Variants in FZR1 observed in about 807,000 individuals in gnomAD.
The protein encoded by FZR1 is fizzy and cell division cycle 20 related 1, also known as fizzy-related protein homolog.
A neutral mutation model predicts 63.6 loss-of-function variants in FZR1; 11 were observed. The observed-to-expected ratio is 0.17, with a 90% CI of 0.11 to 0.29. FZR1 has a LOEUF of 0.29. FZR1 is among the 10% of genes least tolerant of loss of function. The pLI is 1.00. For missense variants in FZR1, 440 were observed against 687.5 expected (o/e 0.64, Z 4.03); for synonymous variants, 328 against 297.9 (o/e 1.10, Z -1.04).
chr19:3,522,112 G>A (rs577462309), intron 1 of FZR1, among the ~76,000 whole-genome samples: 1 of 152,340 alleles, frequency 6.6e-6, no homozygotes, highest in South Asian at 2.1e-4. Flanking sequence ...AAGAACCGCT[G>A]TATTTACAGA....
chr19:3,523,755 G>A (rs112806872), intron 2 of FZR1, among the ~76,000 whole-genome samples: 8,168 of 152,338 alleles, frequency 0.054, 663 homozygotes, highest in African/African-American at 0.17. Flanking sequence ...CTGCATAGAC[G>A]GGTCTGAGGG....
At position 3,526,927 on chromosome 19, in the gene FZR1, G is replaced by A. The variant is rs893356395; in HGVS notation, c.388-53G>A. ...GGAGCGTGGGCTGCTGGGGGGCTCT[G>A]AGGGTCCTGCGGCCTGGGCGTGCGC... On this transcript the variant is annotated intron_variant, in intron 5 of 13. Transcript: ENST00000441788. The surrounding 1 kb of genome is among the most constrained non-coding windows in gnomAD (Gnocchi z 5.4). The A allele has an allele frequency of 7.7e-7, 1 of 1,296,848 alleles. No individual in the cohort carries two copies. Among genetic ancestry groups the A allele is most frequent in the African/African-American group, 1.4e-5 (1 of 68,990 alleles). 80.3% of individuals were successfully genotyped at this position (1,296,848 alleles called of 1,614,324 possible).
chr19:3,513,469 C>T (rs1390393046), intron 1 of FZR1, among the ~76,000 whole-genome samples: 1 of 152,228 alleles, frequency 6.6e-6, no homozygotes, highest in East Asian at 1.9e-4. Context: ...ATTCACGTCC[C>T]AGCTCTACCC....
chr19:3,530,340 A>G (rs2083230959), intron 7 of FZR1, among the ~76,000 whole-genome samples: 1 of 116,236 alleles, frequency 8.6e-6, no homozygotes, highest in African/African-American at 3.7e-5. Flanking sequence ...GAGGGAGTGG[A>G]TGGTTGAGCA....
chr19:3,506,935 C>T (rs1270437851), intron 1 of FZR1, among the ~76,000 whole-genome samples: 6 of 152,172 alleles, frequency 3.9e-5, no homozygotes, highest in Non-Finnish European at 7.3e-5. Context: ...TGGGTCCTGC[C>T]CACACGAAGC....
At chr19:3,530,928 G>A (rs745631493) in intron 8 of FZR1, 71 bp downstream of exon 8, 22 of 1,219,042 alleles carry the variant, frequency 1.8e-5, no homozygotes, top group Non-Finnish European at 2.6e-5. Context: ...GGGCCTTGAA[G>A]ACCCAGAGGG....
chr19:3,537,516 G>A lies in FZR1; in HGVS notation c.*2680G>A, dbSNP rs1015471233. 2.6e-5 allele frequency: 4 copies of A among 152,474 alleles called. No homozygotes were observed. Among genetic ancestry groups the A allele is most frequent in the Non-Finnish European group, 5.9e-5 (4 of 68,224 alleles). 9.4% of individuals were successfully genotyped at this position (152,474 alleles called of 1,614,324 possible). On this transcript the variant is annotated 3_prime_UTR_variant, in exon 14 of 14. Transcript: ENST00000441788. ...CAGGCTGCCATAGGTTCTGCGATGA[G>A]AGGTGCAGGAGGCAGGAGCCTGGCC...
At chr19:3,520,789 C>T (rs2083094509) in intron 1 of FZR1, among the ~76,000 whole-genome samples, 1 of 152,260 alleles carries the variant, frequency 6.6e-6, no homozygotes, top group Non-Finnish European at 1.5e-5. Context: ...CCAACCGCCT[C>T]AGTATCTCAG....
rs749147788 is a variant in FZR1 at position 3,537,944 on chromosome 19, G to C, written c.*3108G>C. ...GGCATTTCAGCCAGGGCTGGAGAAG[G>C]CAGGGACGCCTGGGTGAGAGGCAAA... On this transcript the variant is annotated 3_prime_UTR_variant, in exon 14 of 14. Transcript: ENST00000441788. 1 of 152,688 alleles carries C rather than the reference G, an allele frequency of 6.5e-6. No individual in the cohort carries two copies. The highest frequency in any genetic ancestry group is 6.5e-5 in the Admixed American group (1 of 15,294). The allele number at this position is 152,688 out of a possible 1,614,324, so 9.5% of individuals were successfully genotyped here.
At chr19:3,531,162 G>A (rs1207614777) in intron 8 of FZR1, among the ~76,000 whole-genome samples, 2 of 152,146 alleles carry the variant, frequency 1.3e-5, no homozygotes, top group Non-Finnish European at 2.9e-5. Flanking sequence ...TCCACTCAGG[G>A]TCGAGTGGGC....
At chr19:3,510,735 C>T (rs924854394) in intron 1 of FZR1, among the ~76,000 whole-genome samples, 1 of 152,210 alleles carries the variant, frequency 6.6e-6, no homozygotes, top group Non-Finnish European at 1.5e-5. Context: ...TCAGGATCCC[C>T]CTCATCCATG....
Position 3,531,785 on chromosome 19 carries a change from G to A in FZR1, c.792G>A (p.Leu264=). The change falls in exon 9 of 14, where the codon CTG becomes CTA. Residue 264 remains leucine, a synonymous_variant. Coordinates refer to ENST00000441788, the MANE Select transcript of FZR1 (RefSeq NM_016263.4). ...QIWDAAAGKK[L]SMLEGHTARV... The stretch of plus-strand genomic sequence containing the variant: ...GGGACGCAGCCGCAGGGAAGAAGCT[G>A]TCCATGTTGGAGGGCCACACGGCAC... 6.4e-7 allele frequency: 1 copy of A among 1,550,418 alleles called. No individual in the cohort carries two copies. The highest frequency in any genetic ancestry group is 8.7e-7 in the Non-Finnish European group (1 of 1,146,770).
chr19:3,534,447 C>T lies in FZR1; in HGVS notation c.1374C>T (p.Ile458=), dbSNP rs1013548819. 21 of 1,607,806 alleles carry T rather than the reference C, an allele frequency of 1.3e-5. No individual in the cohort carries two copies. Among genetic ancestry groups the T allele is most frequent in the Non-Finnish European group, 1.6e-5 (19 of 1,176,496 alleles). ...CAATGTCCCCTGATGGGGAGGCCAT[C>T]GTCACTGGTGCTGGAGACGAGACCC... ...YLAMSPDGEA[I]VTGAGDETLR... Residue 458 remains isoleucine (I), a synonymous_variant, in exon 13 of 14, where the codon ATC becomes ATT. Coordinates refer to ENST00000441788, the MANE Select transcript of FZR1 (RefSeq NM_016263.4).
chr19:3,508,077 C>T (rs1434478885), intron 1 of FZR1, among the ~76,000 whole-genome samples: 1 of 151,076 alleles, frequency 6.6e-6, no homozygotes, highest in Non-Finnish European at 1.5e-5. Context: ...AATTTCAGAA[C>T]CTGTGCCCTG....
At position 3,537,280 on chromosome 19, in the gene FZR1, G is replaced by A. The variant is rs1490974258; in HGVS notation, c.*2444G>A. ...TGCGGGGCACGGGGGCCACTCAGCAGCGCTGGGGCAGGTGCCTCTGCTGTC... is the reference window on the plus strand; with the variant it reads ...TGCGGGGCACGGGGGCCACTCAGCAACGCTGGGGCAGGTGCCTCTGCTGTC... On this transcript the variant is annotated 3_prime_UTR_variant, in exon 14 of 14. Coordinates refer to ENST00000441788, the MANE Select transcript of FZR1 (RefSeq NM_016263.4). 1 of 152,382 alleles carries A rather than the reference G, an allele frequency of 6.6e-6. No individual in the cohort carries two copies. Among genetic ancestry groups the A allele is most frequent in the African/African-American group, 2.4e-5 (1 of 41,468 alleles). 9.4% of individuals were successfully genotyped at this position (152,382 alleles called of 1,614,324 possible).
intron 1 of FZR1, among the ~76,000 whole-genome samples, chr19:3,507,339 A>G (rs142941876): frequency 6.8e-6 from 1 of 146,616 alleles, no homozygotes; most frequent in African/African-American, 2.5e-5. Flanking sequence ...TGTGCCCCCC[A>G]TTCAGAGCCG....
At position 3,525,881 on chromosome 19, in the gene FZR1, G is replaced by A. The variant is rs770204091; in HGVS notation, c.83G>A (p.Arg28Gln). 12 of 1,611,532 alleles carry A rather than the reference G, an allele frequency of 7.4e-6. No individual in the cohort carries two copies. Among genetic ancestry groups the A allele is most frequent in the African/African-American group, 1.3e-5 (1 of 74,906 alleles). ...ENTMPRVTEM[R>Q]RTLTPASSPV... is the part of the protein sequence containing the mutation. ...GATGCCCTTCAGGTCACAGAGATGCGGCGGACCCTGACGCCTGCCAGCTCC... is the reference window on the plus strand; with the variant it reads ...GATGCCCTTCAGGTCACAGAGATGCAGCGGACCCTGACGCCTGCCAGCTCC... The change falls in exon 3 of 14, where the codon CGG becomes CAG. Residue 28 changes from arginine to glutamine, a missense_variant. Physicochemically the swap from Arg to Gln is conservative, Grantham distance 43. Coordinates refer to ENST00000441788, the MANE Select transcript of FZR1 (RefSeq NM_016263.4). This position sits in a 1 kb window ranked among gnomAD's most constrained non-coding sequence, Gnocchi z 4.2.
chr19:3,518,974 G>A (rs2083079074), intron 1 of FZR1, among the ~76,000 whole-genome samples: 1 of 152,252 alleles, frequency 6.6e-6, no homozygotes, highest in Non-Finnish European at 1.5e-5. Flanking sequence ...TCCAGTGGGT[G>A]GGTGGGGCTG....
At chr19:3,507,846 C>T (rs2122099150) in intron 1 of FZR1, among the ~76,000 whole-genome samples, 1 of 152,350 alleles carries the variant, frequency 6.6e-6, no homozygotes, top group African/African-American at 2.4e-5. Flanking sequence ...TGTGTTTTGG[C>T]GACACCCGAT....
Sources: gnomAD v4.1 joint callset for allele counts (sites outside exome capture counted in the v4.1 genomes callset) on GRCh38, gnomAD v4.1.1 for gene constraint, Gnocchi (gnomAD v3.1) non-coding constraint, MANE v1.5 for transcripts, NCBI Gene and HGNC (gene_info 2026-07-23, HGNC 2026-07-21) for gene names.